Variants in CD163L1 observed in about 807,000 individuals in gnomAD.
CD163L1 encodes the protein scavenger receptor cysteine-rich type 1 protein M160.
In CD163L1, 124 loss-of-function variants were observed where a neutral mutation model predicts 165.4. The ratio of observed to expected loss-of-function variants is 0.75; its 90% CI spans 0.65 to 0.87. The LOEUF (loss-of-function observed/expected upper bound fraction) is 0.87. Among genes scored for constraint, CD163L1 ranks in the 40% least tolerant of loss-of-function variants. CD163L1 has a pLI of 0.00. For missense variants in CD163L1, 1,525 were observed against 1,799.9 expected (o/e 0.85, Z 2.76); for synonymous variants, 585 against 662.2 (o/e 0.88, Z 1.79).
chr12:7,382,675 C>G (rs1193946923), intron 8 of CD163L1, among the ~76,000 whole-genome samples: 2 of 152,136 alleles, frequency 1.3e-5, no homozygotes, highest in Non-Finnish European at 2.9e-5. Flanking sequence ...AGCGTTGTTC[C>G]AGAGGGGGAG....
intron 17 of CD163L1, among the ~76,000 whole-genome samples, chr12:7,367,729 A>G (rs1947053187): frequency 6.6e-6 from 1 of 152,182 alleles, no homozygotes; most frequent in Non-Finnish European, 1.5e-5. Context: ...CAAACCCAGG[A>G]AACTCTTGTT....
Position 7,400,724 on chromosome 12 carries a change from C to CGT in CD163L1, c.1409-2141_1409-2140insAC, listed in dbSNP as rs1259701944. Among the ~76,000 whole-genome samples the CGT allele has an allele frequency of 2.6e-5, 4 of 151,966 alleles. No individual in the cohort carries two copies. Among genetic ancestry groups the CGT allele is most frequent in the African/African-American group, 9.7e-5 (4 of 41,364 alleles). ...ATTACCTTAAAAACAATTCCAATGT[C>CGT]AATTCATATTTAGAAGAACAAAAAG... On this transcript the variant is annotated intron_variant, in intron 6 of 19. Transcript: ENST00000313599. This position sits in a 1 kb window ranked among gnomAD's most constrained non-coding sequence, Gnocchi z 4.1.
chr12:7,387,666 G>C (rs1201630629), intron 8 of CD163L1, among the ~76,000 whole-genome samples: 3 of 152,098 alleles, frequency 2.0e-5, no homozygotes, highest in African/African-American at 4.8e-5. Context: ...TGCTACCTGA[G>C]GACCTCACCA....
chr12:7,332,957 C>T, the CD163L1 span, among the ~76,000 whole-genome samples: 41 of 152,236 alleles, frequency 2.7e-4, 1 homozygote, highest in African/African-American at 7.0e-4. Flanking sequence ...TGTAAATGGG[C>T]TAAATGCTCC....
At chr12:7,429,806 T>G (rs937156755) in intron 4 of CD163L1, among the ~76,000 whole-genome samples, 2 of 152,196 alleles carry the variant, frequency 1.3e-5, no homozygotes, top group African/African-American at 4.8e-5. Flanking sequence ...CTTCATTCAG[T>G]TAGTCCACAT....
chr12:7,352,027 CAGT>C (rs1197584181), downstream of CD163L1, among the ~76,000 whole-genome samples: 5 of 152,016 alleles, frequency 3.3e-5, no homozygotes, highest in Admixed American at 6.6e-5. Flanking sequence ...CTCTTACTGA[CAGT>C]AGAATTTCAA....
chr12:7,415,115 C>T (rs1948210870), intron 4 of CD163L1, among the ~76,000 whole-genome samples: 2 of 152,028 alleles, frequency 1.3e-5, no homozygotes, highest in Admixed American at 6.6e-5. Context: ...AAGCATTAAG[C>T]AACTACAGTT....
At chr12:7,410,378 G>C (rs1452151446) in intron 4 of CD163L1, among the ~76,000 whole-genome samples, 1 of 152,124 alleles carries the variant, frequency 6.6e-6, no homozygotes, top group African/African-American at 2.4e-5. Flanking sequence ...GACCAAGGCG[G>C]GCAGATCAGT....
At chr12:7,362,506 AAATT>A (rs1353370605) in intron 18 of CD163L1, among the ~76,000 whole-genome samples, 12 of 141,584 alleles carry the variant, frequency 8.5e-5, no homozygotes, top group Admixed American at 7.9e-4. Flanking sequence ...TTAATATATT[AAATT>A]AATAGTTATT....
intron 8 of CD163L1, among the ~76,000 whole-genome samples, chr12:7,389,513 G>C (rs1947600010): frequency 6.6e-6 from 1 of 152,032 alleles, no homozygotes; most frequent in African/African-American, 2.4e-5. Flanking sequence ...TCAGAGGCTG[G>C]GAAGGGTAAT....
chr12:7,426,026 G>T (rs1948535038), intron 4 of CD163L1, among the ~76,000 whole-genome samples: 1 of 152,094 alleles, frequency 6.6e-6, no homozygotes, highest in African/African-American at 2.4e-5. Context: ...CAAAAGCAAA[G>T]ACTTGGAACC....
chr12:7,403,497 A>G, intron 6 of CD163L1, 38 bp downstream of exon 6: 1 of 1,546,670 alleles, frequency 6.5e-7, no homozygotes, highest in East Asian at 2.3e-5. Context: ...ATTTCTAAAA[A>G]TTCAAATGTG....
chr12:7,404,455 T>G (rs2136525971), intron 5 of CD163L1, among the ~76,000 whole-genome samples: 2 of 152,328 alleles, frequency 1.3e-5, no homozygotes, highest in Middle Eastern at 6.8e-3. Context: ...AGTGGTAATT[T>G]TTGAAGAAAC....
intron 4 of CD163L1, among the ~76,000 whole-genome samples, chr12:7,413,178 G>A (rs528116152): frequency 4.0e-5 from 6 of 151,206 alleles, no homozygotes; most frequent in Non-Finnish European, 7.4e-5. Context: ...AGGATAAGAA[G>A]GACAGTTTCA....
chr12:7,348,736 A>C (rs1946687369), intron 4 of CD163L1, among the ~76,000 whole-genome samples: 1 of 152,158 alleles, frequency 6.6e-6, no homozygotes, highest in Non-Finnish European at 1.5e-5. Flanking sequence ...CATATAGTAC[A>C]TAGTTAATAA....
intron 2 of CD163L1, among the ~76,000 whole-genome samples, chr12:7,440,852 C>G (rs1341664127): frequency 6.6e-6 from 1 of 152,126 alleles, no homozygotes; most frequent in East Asian, 1.9e-4. Flanking sequence ...GTCTCGAACT[C>G]CTGACCTCAG....
intron 2 of CD163L1, among the ~76,000 whole-genome samples, chr12:7,437,219 A>T (rs1948731182): frequency 5.8e-4 from 1 of 1,732 alleles, no homozygotes; most frequent in Non-Finnish European, 4.3e-3. Flanking sequence ...TTATTTTAAT[A>T]GTATTTAAAA....
At chr12:7,423,141 GTGCAATCAAATT>G (rs1365629187) in intron 4 of CD163L1, among the ~76,000 whole-genome samples, 3 of 152,112 alleles carry the variant, frequency 2.0e-5, no homozygotes, top group Non-Finnish European at 4.4e-5. Context: ...TCAGGCCACT[GTGCAATCAAATT>G]AGAACCCCAG....
At chr12:7,364,474 T>C (rs902971771) in intron 18 of CD163L1, among the ~76,000 whole-genome samples, 1 of 152,112 alleles carries the variant, frequency 6.6e-6, no homozygotes, top group African/African-American at 2.4e-5. Flanking sequence ...TGGGGCATCC[T>C]AGTTGGAAAG....
Sources: allele counts gnomAD v4.1 joint callset (sites outside exome capture counted in the v4.1 genomes callset), GRCh38; gene constraint gnomAD v4.1.1; non-coding constraint Gnocchi (gnomAD v3.1); transcripts MANE v1.5; gene names NCBI Gene and HGNC (gene_info 2026-07-23, HGNC 2026-07-21).